CNTN5: variants seen among roughly 807,000 people sequenced by gnomAD.
CNTN5 encodes contactin-5.
CNTN5 carries 77 observed loss-of-function variants against 129.1 expected under a neutral mutation model. That is an observed-to-expected ratio of 0.60 (90% CI 0.50 to 0.72). CNTN5 has a LOEUF of 0.72. Among genes scored for constraint, CNTN5 ranks in the 30% least tolerant of loss-of-function variants. CNTN5 has a pLI of 0.00. For missense variants in CNTN5, 1,478 were observed against 1,328.8 expected (o/e 1.11, Z -1.75); for synonymous variants, 509 against 465.6 (o/e 1.09, Z -1.20).
At chr11:99,902,868 T>C (rs983342878) in intron 6 of CNTN5, among the ~76,000 whole-genome samples, 1 of 152,088 alleles carries the variant, frequency 6.6e-6, no homozygotes, top group Non-Finnish European at 1.5e-5. Context: ...AAAGAAAGAA[T>C]TGGGCCAAGG....
At chr11:99,241,102 A>G (rs1016782655) in intron 1 of CNTN5, among the ~76,000 whole-genome samples, 3 of 152,170 alleles carry the variant, frequency 2.0e-5, no homozygotes, top group Admixed American at 6.5e-5. Context: ...CTGTAGTAGA[A>G]TTAATCTTTC....
At chr11:99,563,691 A>G (rs1948915106) in intron 3 of CNTN5, among the ~76,000 whole-genome samples, 1 of 152,148 alleles carries the variant, frequency 6.6e-6, no homozygotes, top group Non-Finnish European at 1.5e-5. Flanking sequence ...CCTTACTCAC[A>G]TTGCTTGTGA....
At chr11:99,231,056 A>C (rs1860967929) in intron 1 of CNTN5, among the ~76,000 whole-genome samples, 1 of 152,124 alleles carries the variant, frequency 6.6e-6, no homozygotes, top group African/African-American at 2.4e-5. Flanking sequence ...TCTATCATTG[A>C]TGGGCATTTG....
chr11:100,067,539 A>G (rs888321350), intron 10 of CNTN5, among the ~76,000 whole-genome samples: 8 of 151,892 alleles, frequency 5.3e-5, no homozygotes, highest in African/African-American at 7.3e-5. Context: ...GCTCTTACAC[A>G]TAACAACATA....
intron 2 of CNTN5, among the ~76,000 whole-genome samples, chr11:99,440,407 T>TA (rs34011019): frequency 3.3e-5 from 5 of 151,152 alleles, no homozygotes; most frequent in African/African-American, 1.2e-4. Flanking sequence ...TCCTATAATT[T>TA]AAAAAATTAT....
intron 3 of CNTN5, among the ~76,000 whole-genome samples, chr11:99,741,082 T>C (rs549121284): frequency 6.6e-6 from 1 of 152,332 alleles, no homozygotes; most frequent in East Asian, 1.9e-4. Flanking sequence ...TTCAAAGTAA[T>C]GTGTTGTCTG....
chr11:100,198,086 C>T (rs928883262), intron 15 of CNTN5, among the ~76,000 whole-genome samples: 15 of 152,050 alleles, frequency 9.9e-5, no homozygotes, highest in African/African-American at 3.6e-4. Flanking sequence ...TTTGTTCACT[C>T]TCCTTTATAA....
chr11:99,782,378 A>T (rs1049716100), intron 3 of CNTN5, among the ~76,000 whole-genome samples: 9 of 149,702 alleles, frequency 6.0e-5, no homozygotes, highest in African/African-American at 2.2e-4. Context: ...GGAAGAATCA[A>T]TATCGTGAAA....
At chr11:99,725,852 G>C (rs1943319679) in intron 3 of CNTN5, among the ~76,000 whole-genome samples, 1 of 152,118 alleles carries the variant, frequency 6.6e-6, no homozygotes, top group African/African-American at 2.4e-5. Flanking sequence ...TGCAGATTTT[G>C]ATGACCAGGC....
chr11:100,045,516 A>C (rs1482808643), intron 9 of CNTN5, among the ~76,000 whole-genome samples: 1 of 152,108 alleles, frequency 6.6e-6, no homozygotes, highest in African/African-American at 2.4e-5. Flanking sequence ...TAATAACAAG[A>C]AGTAGTTATC....
chr11:99,154,525 A>G (rs551853238), intron 1 of CNTN5, among the ~76,000 whole-genome samples: 1 of 152,130 alleles, frequency 6.6e-6, no homozygotes, highest in Admixed American at 6.5e-5. Flanking sequence ...GAGGGAAGGC[A>G]AGGACGACCT....
intron 7 of CNTN5, among the ~76,000 whole-genome samples, chr11:99,956,311 G>A (rs1487678104): frequency 6.6e-6 from 1 of 151,976 alleles, no homozygotes; most frequent in Non-Finnish European, 1.5e-5. Flanking sequence ...GTTACAAAAT[G>A]GGATGTGTGT....
At chr11:99,797,424 C>T (rs1945979875) in intron 3 of CNTN5, among the ~76,000 whole-genome samples, 1 of 151,914 alleles carries the variant, frequency 6.6e-6, no homozygotes, top group South Asian at 2.1e-4. Context: ...TTTAAGAAGC[C>T]AAAAAACGTT....
chr11:99,201,368 T>TTCC (rs1859188912), intron 1 of CNTN5, among the ~76,000 whole-genome samples: 1 of 149,116 alleles, frequency 6.7e-6, no homozygotes, highest in Admixed American at 6.7e-5. Flanking sequence ...CCTTCCTTCC[T>TTCC]TCCTTCCTTC....
chr11:99,225,315 A>G (rs1472539677), intron 1 of CNTN5, among the ~76,000 whole-genome samples: 1 of 152,100 alleles, frequency 6.6e-6, no homozygotes, highest in East Asian at 1.9e-4. Flanking sequence ...GAGAAGAGTG[A>G]AAGAAAGCAT....
intron 13 of CNTN5, among the ~76,000 whole-genome samples, chr11:100,100,193 G>A (rs2138055562): frequency 6.6e-6 from 1 of 152,168 alleles, no homozygotes; most frequent in African/African-American, 2.4e-5. Context: ...TGTAAATTCT[G>A]CACGGGGATC....
At position 100,297,955 on chromosome 11, in the gene CNTN5, A is replaced by T. The variant is rs190167583; in HGVS notation, c.2385+260A>T. Among the ~76,000 whole-genome samples, 143 of 151,586 alleles carry T rather than the reference A, an allele frequency of 9.4e-4. 6 individuals carry two copies. The East Asian group carries it at 0.011, about 12-fold the overall frequency. On this transcript the variant is annotated intron_variant, in intron 19 of 24. Coordinates refer to ENST00000524871, the MANE Select transcript of CNTN5 (RefSeq NM_014361.4). The stretch of plus-strand genomic sequence containing the variant: ...AGGCACTGTTACATATTTTCCTAAT[A>T]AACAGAATTGTGACTTTGATTACAA...
intron 13 of CNTN5, among the ~76,000 whole-genome samples, chr11:100,113,813 G>A (rs1046947447): frequency 6.6e-6 from 1 of 151,774 alleles, no homozygotes; most frequent in African/African-American, 2.4e-5. Flanking sequence ...TCAGATTTTT[G>A]TTTCCACACA....
Position 100,085,246 on chromosome 11 carries a change from AT to A in CNTN5, c.1580+10958del, listed in dbSNP as rs1944504225. On this transcript the variant is annotated intron_variant, in intron 13 of 24. Transcript: ENST00000524871. ...GGGGAGGAGATCCAGGATGAATTGA[AT>A]TTTTTCTGGAGTATCTGGTATCAAA... Among the ~76,000 whole-genome samples the A allele has an allele frequency of 2.0e-5, 3 of 152,028 alleles. No individual in the cohort carries two copies. In the South Asian group the frequency reaches 6.2e-4, roughly 32 times the overall value.
Sources: allele counts gnomAD v4.1 joint callset (sites outside exome capture counted in the v4.1 genomes callset), GRCh38; gene constraint gnomAD v4.1.1; transcripts MANE v1.5; gene names NCBI Gene and HGNC (gene_info 2026-07-23, HGNC 2026-07-21).